The following MAGI3 variants were observed in gnomAD, a reference collection of about 807,000 sequenced individuals.
The protein encoded by MAGI3 is membrane associated guanylate kinase, WW and PDZ domain containing 3, also known as membrane-associated guanylate kinase, WW and PDZ domain-containing protein 3.
A neutral mutation model predicts 121.8 loss-of-function variants in MAGI3; 43 were observed. That is an observed-to-expected ratio of 0.35 (90% CI 0.28 to 0.46). The LOEUF (loss-of-function observed/expected upper bound fraction) is 0.46, where lower values mean the gene tolerates loss of function less well. MAGI3 is among the 20% of genes least tolerant of loss of function. The probability of loss-of-function intolerance (pLI) is 1.00; values close to 1 mark genes in which losing one functional copy is unlikely to be tolerated. For synonymous variants in MAGI3, 553 were observed against 639.3 expected, an observed-to-expected ratio of 0.86 and a Z score of 2.04; for missense variants, 1,547 against 1,797.3, an observed-to-expected ratio of 0.86 and a Z score of 2.52.
chr1:113,453,020 C>T (rs538925354), intron 1 of MAGI3, among the ~76,000 whole-genome samples: 11 of 152,244 alleles, frequency 7.2e-5, no homozygotes, highest in Admixed American at 3.3e-4. Context: ...TATAAGTAAG[C>T]AGTTGCATGA....
At chr1:113,636,681 G>A (rs1652048466) in intron 9 of MAGI3, among the ~76,000 whole-genome samples, 1 of 152,112 alleles carries the variant, frequency 6.6e-6, no homozygotes, top group Admixed American at 6.5e-5. Flanking sequence ...GTGTGGTGTG[G>A]TGCTGGAAAA....
At chr1:113,582,252 A>G (rs1479515250) in intron 3 of MAGI3, among the ~76,000 whole-genome samples, 1 of 152,088 alleles carries the variant, frequency 6.6e-6, no homozygotes, top group Non-Finnish European at 1.5e-5. Flanking sequence ...GAAGATATAC[A>G]TAACTCTGAC....
chr1:113,457,697 G>A (rs907017052), intron 1 of MAGI3, among the ~76,000 whole-genome samples: 1 of 151,638 alleles, frequency 6.6e-6, no homozygotes, highest in East Asian at 1.9e-4. Context: ...ATAATAAGCT[G>A]TGTATAAATA....
intron 2 of MAGI3, among the ~76,000 whole-genome samples, chr1:113,572,010 G>C (rs1293499341): frequency 1.3e-5 from 2 of 152,122 alleles, no homozygotes; most frequent in Non-Finnish European, 2.9e-5. Context: ...TGTCCATTCA[G>C]TATGATATTG....
intron 2 of MAGI3, among the ~76,000 whole-genome samples, chr1:113,579,933 A>C (rs1315738616): frequency 2.6e-5 from 4 of 151,972 alleles, no homozygotes; most frequent in Non-Finnish European, 5.9e-5. Flanking sequence ...ATTTGAAATG[A>C]CATTGTGTAA....
chr1:113,667,719 GCCTTCCTC>G (rs1450444983), intron 16 of MAGI3, among the ~76,000 whole-genome samples: 1 of 152,170 alleles, frequency 6.6e-6, no homozygotes, highest in African/African-American at 2.4e-5. Flanking sequence ...GTCTCAACAA[GCCTTCCTC>G]ACTAAGCTTA....
chr1:113,606,359 A>G (rs1649773894), intron 6 of MAGI3, among the ~76,000 whole-genome samples: 3 of 152,144 alleles, frequency 2.0e-5, no homozygotes, highest in Admixed American at 1.3e-4. Flanking sequence ...AGCCATTCTA[A>G]AGGCAAACTA....
intron 1 of MAGI3, among the ~76,000 whole-genome samples, chr1:113,434,390 C>A (rs985512993): frequency 2.0e-5 from 3 of 151,982 alleles, no homozygotes; most frequent in African/African-American, 7.2e-5. Context: ...GACAACATAG[C>A]GAGACCTTAT....
chr1:113,449,360 G>GGTGTGTGTGTGTGTGTGT (rs71087199), intron 1 of MAGI3, among the ~76,000 whole-genome samples: 1,998 of 147,292 alleles, frequency 0.014, 30 homozygotes, highest in Non-Finnish European at 0.022. Context: ...TTACTTTTAT[G>GGTGTGTGTGTGTGTGTGT]GTGTGTGTGT....
At chr1:113,427,939 T>C (rs1653095125) in intron 1 of MAGI3, among the ~76,000 whole-genome samples, 1 of 152,194 alleles carries the variant, frequency 6.6e-6, no homozygotes, top group African/African-American at 2.4e-5. Flanking sequence ...AACTTTTTCT[T>C]AAGTGGAACA....
chr1:113,487,693 A>G (rs1056396259), intron 1 of MAGI3, among the ~76,000 whole-genome samples: 1 of 152,146 alleles, frequency 6.6e-6, no homozygotes, highest in East Asian at 1.9e-4. Flanking sequence ...AGTAGAAATT[A>G]AAAAGAAAAA....
At chr1:113,530,536 C>T (rs1439360498) in intron 1 of MAGI3, among the ~76,000 whole-genome samples, 3 of 151,806 alleles carry the variant, frequency 2.0e-5, no homozygotes, top group African/African-American at 7.3e-5. Context: ...ATTTGTACAC[C>T]AAGCCCCCAT....
chr1:113,554,755 A>G (rs1257115628), intron 2 of MAGI3, among the ~76,000 whole-genome samples: 8 of 152,214 alleles, frequency 5.3e-5, no homozygotes, highest in East Asian at 1.9e-4. Context: ...AAGAAGCTCA[A>G]TAGATCCCAA....
At chr1:113,493,083 G>A (rs924186407) in intron 1 of MAGI3, among the ~76,000 whole-genome samples, 1 of 152,048 alleles carries the variant, frequency 6.6e-6, no homozygotes, top group Non-Finnish European at 1.5e-5. Flanking sequence ...AAATAGCCAA[G>A]GTGATCCTAA....
At chr1:113,515,967 TC>T (rs1381765252) in intron 1 of MAGI3, among the ~76,000 whole-genome samples, 2 of 152,002 alleles carry the variant, frequency 1.3e-5, no homozygotes, top group Non-Finnish European at 2.9e-5. Flanking sequence ...TGGAGGACTG[TC>T]CTGTGTACCA....
intron 1 of MAGI3, among the ~76,000 whole-genome samples, chr1:113,463,962 A>G (rs1180454254): frequency 6.6e-6 from 1 of 152,078 alleles, no homozygotes; most frequent in Non-Finnish European, 1.5e-5. Context: ...TGTTCTTGGG[A>G]TATTCATCAC....
chr1:113,423,052 A>G (rs1652807475), intron 1 of MAGI3, among the ~76,000 whole-genome samples: 1 of 152,158 alleles, frequency 6.6e-6, no homozygotes, highest in Non-Finnish European at 1.5e-5. Context: ...AATGTGTTAC[A>G]TACCCCTTTG....
At chr1:113,587,459 G>A (rs950382396) in intron 4 of MAGI3, among the ~76,000 whole-genome samples, 7 of 152,200 alleles carry the variant, frequency 4.6e-5, no homozygotes, top group African/African-American at 1.7e-4. Context: ...ACCTCCCAGA[G>A]TGCTGGGATT....
chr1:113,428,812 A>G (rs2101411846), intron 1 of MAGI3, among the ~76,000 whole-genome samples: 2 of 152,356 alleles, frequency 1.3e-5, no homozygotes, highest in East Asian at 1.9e-4. Flanking sequence ...GTTTCATACA[A>G]TCACAGTTGA....
Sources: gnomAD v4.1 joint callset for allele counts (sites outside exome capture counted in the v4.1 genomes callset) on GRCh38, gnomAD v4.1.1 for gene constraint, MANE v1.5 for transcripts, NCBI Gene and HGNC (gene_info 2026-07-23, HGNC 2026-07-21) for gene names.